Variants in PPFIA2 observed in about 807,000 individuals in gnomAD.
PPFIA2 encodes the protein PPFI scaffold protein A2.
In PPFIA2, 46 loss-of-function variants were observed where a neutral mutation model predicts 175.5. The ratio of observed to expected loss-of-function variants is 0.26; its 90% CI spans 0.21 to 0.34. The LOEUF (loss-of-function observed/expected upper bound fraction) is 0.34, where lower values mean the gene tolerates loss of function less well. PPFIA2 is among the 10% of genes least tolerant of loss of function. PPFIA2 has a pLI of 1.00. For synonymous variants in PPFIA2, 568 were observed against 511.4 expected, an observed-to-expected ratio of 1.11 and a Z score of -1.49; for missense variants, 1,179 against 1,506.1, an observed-to-expected ratio of 0.78 and a Z score of 3.60.
intron 4 of PPFIA2, among the ~76,000 whole-genome samples, chr12:81,528,510 C>A (rs977232964): frequency 1.3e-5 from 2 of 152,022 alleles, no homozygotes; most frequent in African/African-American, 4.8e-5. Context: ...AAAACAAGTT[C>A]CTGACAACAG....
intron 4 of PPFIA2, among the ~76,000 whole-genome samples, chr12:81,643,273 T>C (rs1051734341): frequency 6.6e-6 from 1 of 151,728 alleles, no homozygotes; most frequent in Non-Finnish European, 1.5e-5. Flanking sequence ...GGATAGGTTT[T>C]CAATAGACAT....
intron 4 of PPFIA2, among the ~76,000 whole-genome samples, chr12:81,551,780 T>C (rs2067969888): frequency 6.6e-6 from 1 of 151,986 alleles, no homozygotes; most frequent in Non-Finnish European, 1.5e-5. Flanking sequence ...CAAATAAGCA[T>C]ATTTATGTAT....
At chr12:81,601,078 G>A (rs2059743095) in intron 4 of PPFIA2, among the ~76,000 whole-genome samples, 1 of 151,852 alleles carries the variant, frequency 6.6e-6, no homozygotes, top group African/African-American at 2.4e-5. Flanking sequence ...AATCTTTCCA[G>A]CCAATAAGAA....
chr12:81,579,829 T>C lies in PPFIA2; in HGVS notation c.303+96962A>G, dbSNP rs1469650542. On this transcript the variant is annotated intron_variant, in intron 4 of 32. Coordinates refer to ENST00000549396, the MANE Select transcript of PPFIA2 (RefSeq NM_003625.5). Reference sequence around the variant, plus strand: ...ACTATTTTCCAATTTGTGATATTTTTGCATAGGCATCACCTCAGATTCAGA... The same window carrying C: ...ACTATTTTCCAATTTGTGATATTTTCGCATAGGCATCACCTCAGATTCAGA... 2.0e-5 allele frequency among the ~76,000 whole-genome samples: 3 copies of C among 152,024 alleles called. No homozygotes were observed. In the East Asian group the frequency reaches 5.8e-4, roughly 30 times the overall value.
intron 4 of PPFIA2, among the ~76,000 whole-genome samples, chr12:81,599,691 G>GACATTAATGTGCTCT (rs1302012109): frequency 6.6e-6 from 1 of 151,886 alleles, no homozygotes; most frequent in Non-Finnish European, 1.5e-5. Context: ...TACTAGTATT[G>GACATTAATGTGCTCT]ACATTAATGT....
At chr12:81,421,140 A>G (rs1225013410) in intron 7 of PPFIA2, among the ~76,000 whole-genome samples, 3 of 152,142 alleles carry the variant, frequency 2.0e-5, no homozygotes, top group African/African-American at 7.2e-5. Flanking sequence ...TTTTTCAACT[A>G]TAGACCTGCC....
chr12:81,327,560 A>G (rs1176902818), intron 21 of PPFIA2, among the ~76,000 whole-genome samples: 2 of 152,124 alleles, frequency 1.3e-5, no homozygotes, highest in African/African-American at 2.4e-5. Flanking sequence ...AGTCACTTAA[A>G]AGTTATAAAA....
chr12:81,449,795 C>T (rs568140138), intron 5 of PPFIA2, among the ~76,000 whole-genome samples: 24 of 142,178 alleles, frequency 1.7e-4, no homozygotes, highest in African/African-American at 5.7e-4. Context: ...CCCCTCCCCC[C>T]GACCCCATGA....
intron 4 of PPFIA2, among the ~76,000 whole-genome samples, chr12:81,618,678 GC>G (rs1267299665): frequency 6.6e-6 from 1 of 151,672 alleles, no homozygotes. Flanking sequence ...ACAGGCACCA[GC>G]CACCACGCCC....
At chr12:81,327,207 AT>A (rs2054976559) in intron 21 of PPFIA2, among the ~76,000 whole-genome samples, 1 of 152,080 alleles carries the variant, frequency 6.6e-6, no homozygotes, top group Non-Finnish European at 1.5e-5. Flanking sequence ...TTAAAAACAC[AT>A]TTATTGCTGT....
At chr12:81,745,695 A>G (rs992434815) in intron 3 of PPFIA2, among the ~76,000 whole-genome samples, 6 of 152,100 alleles carry the variant, frequency 3.9e-5, no homozygotes, top group Admixed American at 2.0e-4. Flanking sequence ...CTCTTCAAAC[A>G]TTGCCAACCT....
intron 11 of PPFIA2, among the ~76,000 whole-genome samples, chr12:81,371,609 A>G (rs2035112687): frequency 6.6e-6 from 1 of 151,730 alleles, no homozygotes. Context: ...AATTCCCTTC[A>G]GAGAAAAAAA....
intron 4 of PPFIA2, among the ~76,000 whole-genome samples, chr12:81,480,171 C>T (rs2058037003): frequency 6.6e-6 from 1 of 152,036 alleles, no homozygotes; most frequent in African/African-American, 2.4e-5. Flanking sequence ...TCTTCAATCT[C>T]TGATGTCCTT....
intron 7 of PPFIA2, among the ~76,000 whole-genome samples, chr12:81,428,264 T>C (rs1283430753): frequency 2.0e-5 from 3 of 151,960 alleles, no homozygotes; most frequent in Admixed American, 6.6e-5. Context: ...GAAAATATTC[T>C]AATCAAAATA....
At chr12:81,463,710 CT>C (rs1456584590) in intron 4 of PPFIA2, among the ~76,000 whole-genome samples, 7 of 152,054 alleles carry the variant, frequency 4.6e-5, no homozygotes, top group Non-Finnish European at 8.8e-5. Context: ...GTTAAAGTCC[CT>C]GCTCTTGATA....
chr12:81,546,706 T>C (rs940497365), intron 4 of PPFIA2, among the ~76,000 whole-genome samples: 5 of 152,178 alleles, frequency 3.3e-5, no homozygotes, highest in African/African-American at 1.2e-4. Flanking sequence ...GTGCTATTTA[T>C]TATGCATTGA....
intron 4 of PPFIA2, among the ~76,000 whole-genome samples, chr12:81,569,308 A>T (rs989445832): frequency 2.6e-5 from 4 of 152,184 alleles, no homozygotes; most frequent in African/African-American, 9.6e-5. Context: ...TGCTGTACAA[A>T]TGAGAGATAA....
At chr12:81,481,592 T>A (rs1273105902) in intron 4 of PPFIA2, among the ~76,000 whole-genome samples, 2 of 152,136 alleles carry the variant, frequency 1.3e-5, no homozygotes, top group Admixed American at 1.3e-4. Context: ...GCCACACATC[T>A]ACCACTATCT....
intron 3 of PPFIA2, among the ~76,000 whole-genome samples, chr12:81,700,016 C>T (rs2076316268): frequency 6.6e-6 from 1 of 152,002 alleles, no homozygotes; most frequent in Admixed American, 6.6e-5. Flanking sequence ...TGAAACTTGT[C>T]TTCATCTTTC....
Sources: gnomAD v4.1 joint callset for allele counts (sites outside exome capture counted in the v4.1 genomes callset) on GRCh38, gnomAD v4.1.1 for gene constraint, MANE v1.5 for transcripts, NCBI Gene and HGNC (gene_info 2026-07-23, HGNC 2026-07-21) for gene names.